Variants in MYCBP2 observed in about 807,000 individuals in gnomAD.
MYCBP2 encodes the protein MYC binding protein 2.
Under a neutral mutation model 525.3 loss-of-function variants are expected in MYCBP2, and 120 were observed. That is an observed-to-expected ratio of 0.23 (90% CI 0.20 to 0.27). The LOEUF (loss-of-function observed/expected upper bound fraction) is 0.27, where lower values mean the gene tolerates loss of function less well. Ranked by LOEUF, MYCBP2 falls within the 10% of genes least tolerant of loss-of-function variation. The probability of loss-of-function intolerance (pLI) is 1.00; values close to 1 mark genes in which losing one functional copy is unlikely to be tolerated. For synonymous variants in MYCBP2, 1,894 were observed against 1,955.8 expected (o/e 0.97, Z 0.83); for missense variants, 4,149 against 5,657.1 (o/e 0.73, Z 8.55).
Position 77,058,170 on chromosome 13 carries a change from C to T in MYCBP2, c.13329+48G>A. On this transcript the variant is annotated intron_variant, in intron 78 of 82. Coordinates refer to ENST00000544440, the MANE Select transcript of MYCBP2 (RefSeq NM_015057.5). The surrounding 1 kb of genome is among the most constrained non-coding windows in gnomAD (Gnocchi z 4.1). ...CAATGTTTATTTGACAAATATATTC[C>T]CCATCTTAATGTCTGGATACATTCA... 5 of 1,573,618 alleles carry T rather than the reference C, an allele frequency of 3.2e-6. No individual in the cohort carries two copies. The highest frequency in any genetic ancestry group is 4.3e-6 in the Non-Finnish European group (5 of 1,152,796).
chr13:77,181,830 G>A lies in MYCBP2; in HGVS notation c.4812C>T (p.Ser1604=), dbSNP rs765404103. The change falls in exon 33 of 83, where the codon TCC becomes TCT. Residue 1604 remains serine (S), a synonymous_variant. Transcript: ENST00000544440. ...CTCCATCATACGCAATCGGGAAGAT[G>A]GAAGTCAGCTTAACAGACGTGTGAC... ...ALCHTSVKLT[S]IFPIAYDGEV... 30 of 1,613,962 alleles carry A rather than the reference G, an allele frequency of 1.9e-5. No homozygotes were observed. In the Admixed American group the frequency reaches 5.0e-4, roughly 27 times the overall value.
At position 77,234,309 on chromosome 13, in the gene MYCBP2, T is replaced by A. The variant is rs180826899; in HGVS notation, c.2630-1046A>T. ...AACTGAAACAGGAATTATGACACTATATAAGCACTGAACATTTTTATTTAA... is the reference window on the plus strand; with the variant it reads ...AACTGAAACAGGAATTATGACACTAAATAAGCACTGAACATTTTTATTTAA... On this transcript the variant is annotated intron_variant, in intron 17 of 82. Transcript: ENST00000544440. Among the ~76,000 whole-genome samples the A allele has an allele frequency of 4.3e-3, 650 of 152,070 alleles. 2 individuals carry two copies. The highest frequency in any genetic ancestry group is 0.014 in the African/African-American group (566 of 41,564).
At chr13:77,118,557 G>A (rs1172604481) in intron 55 of MYCBP2, 1 of 751,078 alleles carries the variant, frequency 1.3e-6, no homozygotes, top group Non-Finnish European at 2.4e-6. Flanking sequence ...AAATGGCAAA[G>A]TAAATGGTGC....
At chr13:77,235,196 A>C (rs1003589106) in intron 17 of MYCBP2, among the ~76,000 whole-genome samples, 2 of 152,122 alleles carry the variant, frequency 1.3e-5, no homozygotes, top group African/African-American at 4.8e-5. Context: ...GGAAAAAAAC[A>C]GAAATAAAAA....
intron 30 of MYCBP2, among the ~76,000 whole-genome samples, chr13:77,188,284 A>G (rs2060943533): frequency 2.0e-5 from 3 of 152,172 alleles, no homozygotes; most frequent in Non-Finnish European, 4.4e-5. Flanking sequence ...TACTAATATG[A>G]AAGACTACTA....
At chr13:77,135,162 C>T (rs2053550592) in intron 52 of MYCBP2, among the ~76,000 whole-genome samples, 1 of 152,134 alleles carries the variant, frequency 6.6e-6, no homozygotes, top group Non-Finnish European at 1.5e-5. Flanking sequence ...CTGAAGGCAA[C>T]TTTTCAGTAC....
At chr13:77,088,706 C>G in intron 61 of MYCBP2, 126 bp downstream of exon 61, 4 of 726,028 alleles carry the variant, frequency 5.5e-6, no homozygotes, top group Non-Finnish European at 8.7e-6. Context: ...ACACTTAATA[C>G]TTTTAATTGG....
rs773736986 is a variant in MYCBP2, at chr13:77,263,572, G to A, written c.1570+79C>T. On this transcript the variant is annotated intron_variant, in intron 10 of 82. Coordinates refer to ENST00000544440, the MANE Select transcript of MYCBP2 (RefSeq NM_015057.5). The stretch of plus-strand genomic sequence containing the variant: ...CTGCTACAACATAAGCTGAACTGGT[G>A]AAAACACAATGTTCATTTTTAAGAG... The A allele has an allele frequency of 3.9e-6, 5 of 1,277,230 alleles. No individual in the cohort carries two copies. The South Asian group carries it at 5.6e-5, about 14-fold the overall frequency. The allele number at this position is 1,277,230 out of a possible 1,614,324, so 79.1% of individuals were successfully genotyped here. A position where few individuals can be genotyped will look rare whatever the true frequency, so the allele number is the denominator to read the frequency against.
chr13:77,096,274 A>G, intron 57 of MYCBP2, 38 bp downstream of exon 57: 1 of 1,597,744 alleles, frequency 6.3e-7, no homozygotes, highest in South Asian at 1.1e-5. Flanking sequence ...CAGTGTATCC[A>G]TATCATTAAA....
chr13:77,076,408 T>C (rs2042304088), intron 68 of MYCBP2, among the ~76,000 whole-genome samples: 1 of 152,098 alleles, frequency 6.6e-6, no homozygotes, highest in African/African-American at 2.4e-5. Flanking sequence ...GGATAAATCG[T>C]AAAAAAGTTT....
intron 1 of MYCBP2, among the ~76,000 whole-genome samples, chr13:77,324,902 T>C (rs1274951502): frequency 6.6e-6 from 1 of 152,260 alleles, no homozygotes. Flanking sequence ...TGCGGTGCCA[T>C]AATTTAGAGA....
At chr13:77,170,662 C>T (rs562372306) in intron 38 of MYCBP2, among the ~76,000 whole-genome samples, 4 of 151,420 alleles carry the variant, frequency 2.6e-5, no homozygotes, top group Admixed American at 6.6e-5. Flanking sequence ...CTGCAGCCTC[C>T]GCCTCCTGGG....
intron 12 of MYCBP2, 108 bp from the exon 13 acceptor site, chr13:77,260,700 A>T: frequency 2.0e-6 from 2 of 992,288 alleles, no homozygotes; most frequent in Non-Finnish European, 2.9e-6. Flanking sequence ...CATTTATGAC[A>T]CTATTTGTTT....
At chr13:77,312,852 A>C (rs2080438393) in intron 1 of MYCBP2, among the ~76,000 whole-genome samples, 1 of 151,988 alleles carries the variant, frequency 6.6e-6, no homozygotes, top group Non-Finnish European at 1.5e-5. Context: ...GTTCTATACT[A>C]GTTGCCTAAG....
chr13:77,244,810 C>A lies in MYCBP2; in HGVS notation c.2382-859G>T, dbSNP rs80144707. On this transcript the variant is annotated intron_variant, in intron 15 of 82. Transcript: ENST00000544440. ...CCAGAATCTACAAAGAACTTAAACA[C>A]ATTTACAAGAAAACAAACAACCCCA... is the stretch of plus-strand genomic sequence containing the variant. Among the ~76,000 whole-genome samples, 2 of 152,036 alleles carry A rather than the reference C, an allele frequency of 1.3e-5. 1 individual carries two copies. The highest frequency in any genetic ancestry group is 4.1e-4 in the South Asian group (2 of 4,826).
In MYCBP2 at chr13:77,211,294, G is replaced by A. The variant is rs749777451; in HGVS notation, c.3289C>T (p.Pro1097Ser). 6.1e-6 allele frequency: 9 copies of A among 1,486,888 alleles called. No homozygotes were observed. The highest frequency in any genetic ancestry group is 1.4e-5 in the African/African-American group (1 of 70,374). 92.1% of individuals were successfully genotyped at this position (1,486,888 alleles called of 1,614,324 possible). ...IGLVPASISE[P>S]PPFKCLLINK... ...ATCAGAAGGCATTTAAATGGAGGAG[G>A]TTCTGATATAGAAGCAGGTACCAAG... Residue 1097 changes from proline (P) to serine (S), a missense_variant, in exon 23 of 83, where the codon CCT (proline) becomes TCT (serine). By Grantham distance (74) the Pro-to-Ser change is moderately conservative. Around this residue, in one of 21 missense-constraint regions of MYCBP2, gnomAD observed 620 missense variants for 795.5 expected, o/e 0.78. Transcript: ENST00000544440.
At chr13:77,249,668 T>A (rs935391419) in intron 15 of MYCBP2, among the ~76,000 whole-genome samples, 1 of 152,142 alleles carries the variant, frequency 6.6e-6, no homozygotes, top group Non-Finnish European at 1.5e-5. Context: ...GTGCTGGGAT[T>A]ACAGACATGG....
intron 26 of MYCBP2, among the ~76,000 whole-genome samples, chr13:77,199,689 A>T (rs1454090668): frequency 6.6e-6 from 1 of 152,200 alleles, no homozygotes; most frequent in Non-Finnish European, 1.5e-5. Flanking sequence ...ACACAGCTGG[A>T]GATCTGAGAA....
intron 73 of MYCBP2, among the ~76,000 whole-genome samples, chr13:77,063,680 A>G (rs1359030401): frequency 6.6e-6 from 1 of 152,170 alleles, no homozygotes; most frequent in Non-Finnish European, 1.5e-5. Context: ...GAAGAATAGA[A>G]AATGACTTAA....
Sources: allele counts gnomAD v4.1 joint callset (sites outside exome capture counted in the v4.1 genomes callset), GRCh38; gene constraint gnomAD v4.1.1; regional missense constraint gnomAD v4.1.1; non-coding constraint Gnocchi (gnomAD v3.1); transcripts MANE v1.5; gene names NCBI Gene and HGNC (gene_info 2026-07-23, HGNC 2026-07-21).